B3GALT1: variants seen among roughly 807,000 people sequenced by gnomAD.
B3GALT1 encodes the protein UDP-Gal:betaGlcNAc beta 1,3-galactosyltransferase, polypeptide 1.
B3GALT1 carries 10 observed loss-of-function variants against 23.2 expected under a neutral mutation model. The observed-to-expected ratio is 0.43, with a 90% CI of 0.27 to 0.73. The LOEUF is 0.73. Among genes scored for constraint, B3GALT1 ranks in the 30% least tolerant of loss-of-function variants. The probability of loss-of-function intolerance (pLI) is 0.21; values close to 1 mark genes in which losing one functional copy is unlikely to be tolerated. For missense variants in B3GALT1, 299 were observed against 405.4 expected (o/e 0.74, Z 2.25); for synonymous variants, 156 against 141.5 (o/e 1.10, Z -0.73).
intron 3 of B3GALT1, among the ~76,000 whole-genome samples, chr2:167,785,285 G>A (rs563800722): frequency 3.3e-5 from 5 of 152,280 alleles, no homozygotes; most frequent in South Asian, 2.1e-4. Flanking sequence ...GGTTGGGATC[G>A]TAGAGGTACA....
intron 2 of B3GALT1, among the ~76,000 whole-genome samples, chr2:167,512,614 A>ATATATG (rs1558887885): frequency 1.1e-5 from 1 of 91,570 alleles, no homozygotes; most frequent in Non-Finnish European, 1.9e-5. Flanking sequence ...ATATGTATAT[A>ATATATG]TATATACGTG....
intron 2 of B3GALT1, among the ~76,000 whole-genome samples, chr2:167,642,984 A>G (rs1685682666): frequency 6.6e-6 from 1 of 152,172 alleles, no homozygotes; most frequent in South Asian, 2.1e-4. Flanking sequence ...CAAAAAAACT[A>G]AGACCATAGT....
intron 1 of B3GALT1, among the ~76,000 whole-genome samples, chr2:167,414,242 C>A (rs2222504): frequency 0.81 from 123,092 of 152,012 alleles, 51,678 homozygotes; most frequent in East Asian, 0.92. Flanking sequence ...AGTGTCTTTA[C>A]TTCCTAAGAG....
Position 167,385,560 on chromosome 2 carries a change from T to C in B3GALT1, c.-511+92226T>C, listed in dbSNP as rs145495144. Among the ~76,000 whole-genome samples the C allele has an allele frequency of 5.4e-3, 805 of 148,760 alleles. 13 individuals carry two copies. Among genetic ancestry groups the C allele is most frequent in the African/African-American group, 0.019 (768 of 41,032 alleles). The stretch of plus-strand genomic sequence containing the variant: ...AAAGTCAGGCCTGTGATGGATTGAT[T>C]TGGGTAGCAATGGTAGGAACAAAGA... On this transcript the variant is annotated intron_variant, in intron 1 of 4. Transcript: ENST00000392690.
chr2:167,571,354 A>G (rs1247128274), intron 2 of B3GALT1, among the ~76,000 whole-genome samples: 1 of 151,960 alleles, frequency 6.6e-6, no homozygotes, highest in African/African-American at 2.4e-5. Flanking sequence ...GTTCACCTAG[A>G]AAAAGCATTT....
intron 1 of B3GALT1, among the ~76,000 whole-genome samples, chr2:167,471,657 G>C (rs577101572): frequency 6.6e-4 from 101 of 152,086 alleles, no homozygotes; most frequent in African/African-American, 2.4e-3. Context: ...TTATTCAACA[G>C]TATAAAAAAA....
At chr2:167,441,531 C>T (rs1401861556) in intron 1 of B3GALT1, among the ~76,000 whole-genome samples, 2 of 152,112 alleles carry the variant, frequency 1.3e-5, no homozygotes, top group African/African-American at 4.8e-5. Context: ...GGTTTCTCCA[C>T]CAATGTTACA....
chr2:167,555,640 A>T (rs1280696479), intron 2 of B3GALT1, among the ~76,000 whole-genome samples: 1 of 152,202 alleles, frequency 6.6e-6, no homozygotes, highest in Non-Finnish European at 1.5e-5. Flanking sequence ...TGAAGGGGAA[A>T]GAAAAGCAAG....
At chr2:167,651,236 T>C (rs1005522510) in intron 3 of B3GALT1, among the ~76,000 whole-genome samples, 33 of 89,410 alleles carry the variant, frequency 3.7e-4, no homozygotes, top group Admixed American at 2.1e-3. Flanking sequence ...AGCAGAAAGG[T>C]TGTGTGTGTG....
chr2:167,865,398 A>G (rs1182989163), intron 4 of B3GALT1, among the ~76,000 whole-genome samples: 3 of 152,012 alleles, frequency 2.0e-5, no homozygotes, highest in Non-Finnish European at 4.4e-5. Context: ...GTGAGACTCC[A>G]TCTCAAAAAA....
chr2:167,676,544 CACACACACACAT>C lies in B3GALT1; in HGVS notation c.-352+29580_-352+29591del, dbSNP rs1275434864. On this transcript the variant is annotated intron_variant, in intron 3 of 4. Coordinates refer to ENST00000392690, the MANE Select transcript of B3GALT1 (RefSeq NM_020981.4). ...ACACACACACACACACACACACACA[CACACACACACAT>C]ATATATGTGTATGCATTTCTTTTGA... Among the ~76,000 whole-genome samples the C allele has an allele frequency of 2.2e-3, 303 of 139,854 alleles. 2 individuals are homozygous for C. The highest frequency in any genetic ancestry group is 8.9e-3 in the African/African-American group (280 of 31,360). 91.7% of individuals were successfully genotyped at this position (139,854 alleles called of 152,430 possible).
At chr2:167,360,716 G>GA (rs1370588622) in intron 1 of B3GALT1, among the ~76,000 whole-genome samples, 6 of 151,996 alleles carry the variant, frequency 3.9e-5, no homozygotes, top group Non-Finnish European at 5.9e-5. Context: ...TTTATGTTAG[G>GA]AACATTATAG....
intron 3 of B3GALT1, among the ~76,000 whole-genome samples, chr2:167,733,242 G>A (rs1687435703): frequency 6.6e-6 from 1 of 151,980 alleles, no homozygotes; most frequent in Non-Finnish European, 1.5e-5. Flanking sequence ...CTTCTCATCG[G>A]GCTGTTTAGT....
In B3GALT1 at chr2:167,552,114, C is replaced by T. The variant is rs1238246113; in HGVS notation, c.-410+61837C>T. Among the ~76,000 whole-genome samples, 6 of 152,138 alleles carry T rather than the reference C, an allele frequency of 3.9e-5. No individual in the cohort carries two copies. The East Asian group carries it at 1.2e-3, about 29-fold the overall frequency. ...AGTTTTGCTTGCAATGGAAAATTCTCAGTATTGGAAGCAAGGAGAATTGGG... is the reference window on the plus strand; with the variant it reads ...AGTTTTGCTTGCAATGGAAAATTCTTAGTATTGGAAGCAAGGAGAATTGGG... On this transcript the variant is annotated intron_variant, in intron 2 of 4. Coordinates refer to ENST00000392690, the MANE Select transcript of B3GALT1 (RefSeq NM_020981.4).
intron 3 of B3GALT1, among the ~76,000 whole-genome samples, chr2:167,699,380 A>ATTTTTTTTTTTTTT (rs1169813738): frequency 9.0e-5 from 9 of 100,188 alleles, no homozygotes; most frequent in East Asian, 5.6e-4. Context: ...CATTATTTCT[A>ATTTTTTTTTTTTTT]TTTTTTTTTT....
At chr2:167,751,900 G>A (rs548540000) in intron 3 of B3GALT1, among the ~76,000 whole-genome samples, 1 of 152,228 alleles carries the variant, frequency 6.6e-6, no homozygotes, top group East Asian at 1.9e-4. Flanking sequence ...CCAAGTAGGG[G>A]CTGACCACAT....
chr2:167,456,589 A>C lies in B3GALT1; in HGVS notation c.-510-33588A>C, dbSNP rs536153336. On this transcript the variant is annotated intron_variant, in intron 1 of 4. Coordinates refer to ENST00000392690, the MANE Select transcript of B3GALT1 (RefSeq NM_020981.4). ...AATATCAGGTCCCCAGGTTATTCAT[A>C]CTTCTGTCAGTCCTGGCTAGAAAGT... Among the ~76,000 whole-genome samples the C allele has an allele frequency of 7.9e-5, 12 of 152,356 alleles. No individual in the cohort carries two copies. In the South Asian group the frequency reaches 1.9e-3, roughly 24 times the overall value.
chr2:167,852,470 G>A (rs887398799), intron 4 of B3GALT1, among the ~76,000 whole-genome samples: 4 of 15,752 alleles, frequency 2.5e-4, no homozygotes, highest in Non-Finnish European at 5.7e-4. Context: ...TCGTGATGGT[G>A]TGTGTGTGTG....
At chr2:167,454,475 A>G (rs1219484910) in intron 1 of B3GALT1, among the ~76,000 whole-genome samples, 1 of 152,198 alleles carries the variant, frequency 6.6e-6, no homozygotes, top group Non-Finnish European at 1.5e-5. Flanking sequence ...AGAGGAGTCT[A>G]GGGAGCTGTA....
Sources: allele counts gnomAD v4.1 joint callset (sites outside exome capture counted in the v4.1 genomes callset), GRCh38; gene constraint gnomAD v4.1.1; transcripts MANE v1.5; gene names NCBI Gene and HGNC (gene_info 2026-07-23, HGNC 2026-07-21).